The following EML6 variants were observed in gnomAD, a reference collection of about 807,000 sequenced individuals.
EML6 encodes echinoderm microtubule-associated protein-like 6.
A neutral mutation model predicts 240.1 loss-of-function variants in EML6; 154 were observed. The observed-to-expected ratio is 0.64, with a 90% CI of 0.56 to 0.73. EML6 has a LOEUF of 0.73. Ranked by LOEUF, EML6 falls within the 30% of genes least tolerant of loss-of-function variation. EML6 has a pLI of 0.00. For missense variants in EML6, 2,964 were observed against 2,474.6 expected, an observed-to-expected ratio of 1.20 and a Z score of -4.20; for synonymous variants, 1,148 against 899.0, an observed-to-expected ratio of 1.28 and a Z score of -4.95.
chr2:54,878,520 G>A (rs1029857862), intron 16 of EML6, among the ~76,000 whole-genome samples: 1 of 152,152 alleles, frequency 6.6e-6, no homozygotes, highest in East Asian at 1.9e-4. Flanking sequence ...TTGTCTTGAA[G>A]GGAAAAAGCA....
At chr2:54,905,433 A>T (rs551923081) in intron 24 of EML6, among the ~76,000 whole-genome samples, 4 of 151,778 alleles carry the variant, frequency 2.6e-5, no homozygotes, top group African/African-American at 4.8e-5. Context: ...TAGGGATTAA[A>T]ACCCATTATT....
chr2:54,799,804 T>C (rs1670022362), intron 2 of EML6, among the ~76,000 whole-genome samples: 1 of 152,184 alleles, frequency 6.6e-6, no homozygotes, highest in South Asian at 2.1e-4. Flanking sequence ...TAAAATTAGC[T>C]CCAAGTTTTC....
intron 13 of EML6, among the ~76,000 whole-genome samples, chr2:54,864,202 G>A (rs532028814): frequency 6.6e-6 from 1 of 152,140 alleles, no homozygotes; most frequent in Non-Finnish European, 1.5e-5. Context: ...TAAGCCATAG[G>A]TCTTTTTTCA....
intron 24 of EML6, among the ~76,000 whole-genome samples, chr2:54,905,898 G>T (rs1297884958): frequency 1.3e-5 from 2 of 150,166 alleles, no homozygotes; most frequent in African/African-American, 4.8e-5. Flanking sequence ...TTAATTTTAT[G>T]TATAGACTGT....
At chr2:54,854,193 T>G (rs929399240) in intron 11 of EML6, among the ~76,000 whole-genome samples, 1 of 152,238 alleles carries the variant, frequency 6.6e-6, no homozygotes, top group Non-Finnish European at 1.5e-5. Flanking sequence ...AAAATTCTTT[T>G]ATGATTCAGA....
Position 54,853,868 on chromosome 2 carries a change from GA to G in EML6, c.1657+14del. 1 of 1,525,360 alleles carries G rather than the reference GA, an allele frequency of 6.6e-7. No homozygotes were observed. Among genetic ancestry groups the G allele is most frequent in the Non-Finnish European group, 8.9e-7 (1 of 1,123,978 alleles). 94.5% of individuals were successfully genotyped at this position (1,525,360 alleles called of 1,614,324 possible). On this transcript the variant is annotated intron_variant, in intron 11 of 41. Transcript: ENST00000356458. ...TGTCTCAAGAGAGGTAAGGCCAAAA[GA>G]GATGTTTCATTGCATAAAGATTTAC...
chr2:54,821,151 T>G (rs919006937), intron 5 of EML6, among the ~76,000 whole-genome samples: 1 of 152,182 alleles, frequency 6.6e-6, no homozygotes, highest in African/African-American at 2.4e-5. Flanking sequence ...GTATAAGGAT[T>G]ACTTTCTTGA....
intron 2 of EML6, among the ~76,000 whole-genome samples, chr2:54,781,560 G>C (rs986554678): frequency 6.6e-6 from 1 of 152,072 alleles, no homozygotes; most frequent in African/African-American, 2.4e-5. Flanking sequence ...AATCATTGAA[G>C]TTAGAGATTG....
intron 2 of EML6, among the ~76,000 whole-genome samples, chr2:54,769,445 A>T (rs1668319895): frequency 6.6e-6 from 1 of 152,216 alleles, no homozygotes; most frequent in Non-Finnish European, 1.5e-5. Context: ...TTGTAGTACA[A>T]AAGTAATACA....
At chr2:54,906,503 G>A (rs1673336115) in intron 24 of EML6, among the ~76,000 whole-genome samples, 1 of 152,082 alleles carries the variant, frequency 6.6e-6, no homozygotes, top group Non-Finnish European at 1.5e-5. Context: ...CAGCCTCTTA[G>A]AGCTCAGGAT....
intron 5 of EML6, among the ~76,000 whole-genome samples, chr2:54,825,384 T>C (rs547862017): frequency 6.6e-6 from 1 of 152,308 alleles, no homozygotes; most frequent in African/African-American, 2.4e-5. Flanking sequence ...GATCTCTTTA[T>C]TCTTTATTAA....
intron 17 of EML6, among the ~76,000 whole-genome samples, chr2:54,883,070 T>C (rs987011880): frequency 7.9e-5 from 12 of 151,950 alleles, no homozygotes; most frequent in Non-Finnish European, 1.3e-4. Flanking sequence ...ATAACACTTA[T>C]TCTTTCCTCT....
intron 24 of EML6, among the ~76,000 whole-genome samples, chr2:54,904,499 G>T (rs1240022803): frequency 6.6e-6 from 1 of 152,174 alleles, no homozygotes; most frequent in Admixed American, 6.5e-5. Flanking sequence ...GACCTTTGAG[G>T]TTGATCTTGA....
chr2:54,823,882 GTCTCTC>G (rs372503443), intron 5 of EML6, among the ~76,000 whole-genome samples: 2 of 87,634 alleles, frequency 2.3e-5, no homozygotes, highest in African/African-American at 4.6e-5. Flanking sequence ...CTCTCTTTCT[GTCTCTC>G]TCTCTCTCTC....
At chr2:54,921,521 T>G (rs1674251758) in intron 26 of EML6, among the ~76,000 whole-genome samples, 1 of 152,124 alleles carries the variant, frequency 6.6e-6, no homozygotes, top group Admixed American at 6.6e-5. Context: ...ATCTGCAGAT[T>G]CAATGTAATC....
chr2:54,749,401 T>C (rs1029150808), intron 2 of EML6, among the ~76,000 whole-genome samples: 26 of 152,268 alleles, frequency 1.7e-4, no homozygotes, highest in African/African-American at 6.0e-4. Context: ...TCATTTAATA[T>C]GTGATTGTTT....
intron 17 of EML6, chr2:54,880,570 A>G (rs1161096035): frequency 6.6e-6 from 1 of 152,226 alleles, no homozygotes; most frequent in Non-Finnish European, 1.5e-5. Flanking sequence ...CCAACTGACC[A>G]TCTTCGGAGA....
rs114636916 is a variant in EML6, at chr2:54,818,391, A to G, written c.456+1506A>G. Among the ~76,000 whole-genome samples the G allele has an allele frequency of 9.5e-3, 1,445 of 152,326 alleles. 23 individuals carry two copies. Among genetic ancestry groups the G allele is most frequent in the African/African-American group, 0.033 (1,380 of 41,572 alleles). On this transcript the variant is annotated intron_variant, in intron 4 of 41. Transcript: ENST00000356458. ...ATTTAGGGGTATACTTCCGTAACAAATAGCTGAGTGGCAGCCAGCTTCAGC... is the reference window on the plus strand; with the variant it reads ...ATTTAGGGGTATACTTCCGTAACAAGTAGCTGAGTGGCAGCCAGCTTCAGC...
chr2:54,847,516 C>G lies in EML6; in HGVS notation c.1080C>G (p.Ile360Met), dbSNP rs191361627. The change falls in exon 9 of 42, where the codon ATC (isoleucine) becomes ATG (methionine). Residue 360 changes from isoleucine to methionine, a missense_variant. Coordinates refer to ENST00000356458, the MANE Select transcript of EML6 (RefSeq NM_001039753.4). ...GGAGCCTGGCTGATCATGCCTTGAT[C>G]GCCCGCTGTAACATGGAAGAGGCGG... ...RLWSLADHAL[I>M]ARCNMEEAVR... 1.9e-6 allele frequency: 3 copies of G among 1,551,822 alleles called. No individual in the cohort carries two copies. Among genetic ancestry groups the G allele is most frequent in the Non-Finnish European group, 2.6e-6 (3 of 1,147,052 alleles).
Sources: allele counts gnomAD v4.1 joint callset (sites outside exome capture counted in the v4.1 genomes callset), GRCh38; gene constraint gnomAD v4.1.1; transcripts MANE v1.5; gene names NCBI Gene and HGNC (gene_info 2026-07-23, HGNC 2026-07-21).